Variants in RBFOX1 observed in about 807,000 individuals in gnomAD.
RBFOX1 encodes RNA binding fox-1 homolog 1, also known as RNA binding protein fox-1 homolog 1.
A neutral mutation model predicts 57.7 loss-of-function variants in RBFOX1; 8 were observed. That is an observed-to-expected ratio of 0.14 (90% confidence interval 0.08 to 0.25). The LOEUF (loss-of-function observed/expected upper bound fraction) is 0.25, where lower values mean the gene tolerates loss of function less well. Ranked by LOEUF, RBFOX1 falls within the 10% of genes least tolerant of loss-of-function variation. The probability of loss-of-function intolerance (pLI) is 1.00; values close to 1 mark genes in which losing one functional copy is unlikely to be tolerated. For missense variants in RBFOX1, 611 were observed against 548.5 expected (o/e 1.11, Z -1.14); for synonymous variants, 326 against 222.4 (o/e 1.47, Z -4.15).
At chr16:5,269,324 A>T (rs538687753) in intron 1 of RBFOX1, among the ~76,000 whole-genome samples, 5 of 152,348 alleles carry the variant, frequency 3.3e-5, no homozygotes, top group South Asian at 4.1e-4. Context: ...GCATCTTTTC[A>T]TGTGCTTATT....
At chr16:6,392,179 G>A (rs1441833252) in intron 2 of RBFOX1, among the ~76,000 whole-genome samples, 3 of 152,176 alleles carry the variant, frequency 2.0e-5, no homozygotes, top group Non-Finnish European at 4.4e-5. Context: ...TGAAAAGACC[G>A]TTTCTAAAAT....
intron 2 of RBFOX1, among the ~76,000 whole-genome samples, chr16:6,535,598 A>G (rs1365338529): frequency 6.6e-6 from 1 of 152,202 alleles, no homozygotes; most frequent in Non-Finnish European, 1.5e-5. Context: ...TAAATGATTC[A>G]GTGAATGATT....
At chr16:5,361,004 G>T (rs1245208791) in intron 1 of RBFOX1, among the ~76,000 whole-genome samples, 1 of 152,184 alleles carries the variant, frequency 6.6e-6, no homozygotes, top group Non-Finnish European at 1.5e-5. Flanking sequence ...TGCACACGAT[G>T]CAGGGAGAGA....
At chr16:5,862,167 C>T (rs1054531642) in intron 3 of RBFOX1, among the ~76,000 whole-genome samples, 1 of 152,200 alleles carries the variant, frequency 6.6e-6, no homozygotes, top group Non-Finnish European at 1.5e-5. Flanking sequence ...CTGCTAGACT[C>T]CTTCAGGGTT....
chr16:7,421,176 T>G (rs2098539410), intron 4 of RBFOX1, among the ~76,000 whole-genome samples: 2 of 152,030 alleles, frequency 1.3e-5, no homozygotes. Context: ...TAATAGAAAT[T>G]GTAGAGCACA....
chr16:7,107,673 C>G (rs538685867), intron 4 of RBFOX1, among the ~76,000 whole-genome samples: 3 of 152,122 alleles, frequency 2.0e-5, no homozygotes, highest in Non-Finnish European at 2.9e-5. Context: ...AATCCACTTT[C>G]TATTTCTACA....
At chr16:7,596,152 A>T in intron 8 of RBFOX1, among the ~76,000 whole-genome samples, 1 of 72,686 alleles carries the variant, frequency 1.4e-5, no homozygotes, top group Non-Finnish European at 3.6e-5. Flanking sequence ...AAAAAACGAG[A>T]GGTTTTTACT....
chr16:5,457,130 C>T (rs67439339), intron 1 of RBFOX1, among the ~76,000 whole-genome samples: 15,944 of 152,040 alleles, frequency 0.1, 1,072 homozygotes, highest in East Asian at 0.15. Flanking sequence ...GAGAGATCAT[C>T]TGTCCCTTTA....
intron 10 of RBFOX1, among the ~76,000 whole-genome samples, chr16:7,617,327 G>A (rs1019321568): frequency 3.9e-5 from 6 of 152,110 alleles, no homozygotes; most frequent in Non-Finnish European, 7.3e-5. Context: ...AACTAAGGAC[G>A]TGGAAATTTA....
chr16:5,602,203 T>C (rs2047388290), downstream of RBFOX1, among the ~76,000 whole-genome samples: 1 of 152,234 alleles, frequency 6.6e-6, no homozygotes, highest in Admixed American at 6.5e-5. Flanking sequence ...AGGCAGCATA[T>C]GTTGGCCTGA....
intron 4 of RBFOX1, among the ~76,000 whole-genome samples, chr16:6,010,718 A>T (rs1259125257): frequency 6.6e-6 from 1 of 152,202 alleles, no homozygotes; most frequent in South Asian, 2.1e-4. Context: ...TTCAGTTTTG[A>T]CTAAATTCCC....
chr16:6,086,282 G>C (rs1242737659), intron 1 of RBFOX1, among the ~76,000 whole-genome samples: 1 of 152,152 alleles, frequency 6.6e-6, no homozygotes, highest in Admixed American at 6.5e-5. Context: ...GATGTCATTT[G>C]CATGCTAAGT....
At chr16:6,876,653 C>G (rs990005332) in intron 3 of RBFOX1, among the ~76,000 whole-genome samples, 1 of 151,978 alleles carries the variant, frequency 6.6e-6, no homozygotes, top group African/African-American at 2.4e-5. Flanking sequence ...GAGTACATTT[C>G]TCACCTAGGG....
At chr16:6,108,481 G>C (rs566909873) in intron 1 of RBFOX1, among the ~76,000 whole-genome samples, 1 of 152,294 alleles carries the variant, frequency 6.6e-6, no homozygotes, top group South Asian at 2.1e-4. Context: ...AGGTGGTGCT[G>C]TGCTATTATG....
intron 1 of RBFOX1, among the ~76,000 whole-genome samples, chr16:5,461,853 T>C (rs1420012090): frequency 6.6e-6 from 1 of 152,176 alleles, no homozygotes; most frequent in Non-Finnish European, 1.5e-5. Context: ...CATTTATCTT[T>C]GAGAGCCATC....
At chr16:7,029,897 A>T (rs2042349186) in intron 3 of RBFOX1, among the ~76,000 whole-genome samples, 1 of 152,204 alleles carries the variant, frequency 6.6e-6, no homozygotes, top group African/African-American at 2.4e-5. Context: ...AAGACCCAGC[A>T]AATGCCATTT....
At chr16:6,895,434 G>A (rs1239586860) in intron 3 of RBFOX1, among the ~76,000 whole-genome samples, 3 of 91,662 alleles carry the variant, frequency 3.3e-5, no homozygotes, top group South Asian at 4.2e-4. Context: ...GTGTGTGTGT[G>A]TGTGTGTGTG....
chr16:6,036,698 C>G (rs1055327437), intron 1 of RBFOX1, among the ~76,000 whole-genome samples: 3 of 152,162 alleles, frequency 2.0e-5, no homozygotes, highest in African/African-American at 7.2e-5. Flanking sequence ...TACAACACGT[C>G]TCCTATTTCC....
chr16:6,211,292 G>T (rs544757864), intron 1 of RBFOX1, among the ~76,000 whole-genome samples: 5 of 144,460 alleles, frequency 3.5e-5, no homozygotes, highest in African/African-American at 1.3e-4. Context: ...GCAGTGGCAC[G>T]ATCTCCGCTC....
Sources: allele counts gnomAD v4.1 joint callset (sites outside exome capture counted in the v4.1 genomes callset), GRCh38; gene constraint gnomAD v4.1.1; transcripts MANE v1.5; gene names NCBI Gene and HGNC (gene_info 2026-07-23, HGNC 2026-07-21).